PCDHGA9: variants seen among roughly 807,000 people sequenced by gnomAD.
The protein encoded by PCDHGA9 is protocadherin gamma subfamily A, 9.
In PCDHGA9, 37 loss-of-function variants were observed where a neutral mutation model predicts 62.5. That is an observed-to-expected ratio of 0.59 (90% confidence interval 0.46 to 0.78). PCDHGA9 has a LOEUF of 0.78. Among genes scored for constraint, PCDHGA9 ranks in the 30% least tolerant of loss-of-function variants. The pLI is 0.00. For missense variants in PCDHGA9, 1,138 were observed against 1,166.2 expected (o/e 0.98, Z 0.35); for synonymous variants, 459 against 484.6 (o/e 0.95, Z 0.69).
intron 1 of PCDHGA9, among the ~76,000 whole-genome samples, chr5:141,492,762 T>C (rs917580804): frequency 2.6e-5 from 4 of 152,206 alleles, no homozygotes; most frequent in African/African-American, 9.6e-5. Flanking sequence ...GGGCTCCGCG[T>C]TGGGCGAGTG....
intron 1 of PCDHGA9, chr5:141,478,227 G>A: frequency 6.2e-7 from 1 of 1,614,104 alleles, no homozygotes; most frequent in Non-Finnish European, 8.5e-7. Context: ...GTTTCTGTGG[G>A]GTTTGTGGTC....
intron 1 of PCDHGA9, chr5:141,409,280 T>C (rs1277414418): frequency 6.2e-7 from 1 of 1,613,904 alleles, no homozygotes; most frequent in Non-Finnish European, 8.5e-7. Context: ...TTTGGAGAAT[T>C]CACCTCCAGG....
chr5:141,485,431 C>G lies in PCDHGA9; in HGVS notation c.2425-9376C>G, dbSNP rs1594481071. ...ATTTGGACAGCGGAGCCCTGCTCAT[C>G]AAGAACCCAATCGACCGAGAGGCAC... On this transcript the variant is annotated intron_variant, in intron 1 of 3. Coordinates refer to ENST00000573521, the MANE Select transcript of PCDHGA9 (RefSeq NM_018921.3). The surrounding 1 kb of genome is among the most constrained non-coding windows in gnomAD (Gnocchi z 5.7). 8.7e-6 allele frequency: 14 copies of G among 1,614,198 alleles called. No homozygotes were observed. Among genetic ancestry groups the G allele is most frequent in the Non-Finnish European group, 1.1e-5 (13 of 1,180,038 alleles).
intron 1 of PCDHGA9, among the ~76,000 whole-genome samples, chr5:141,429,503 C>T (rs890656634): frequency 1.3e-5 from 2 of 151,922 alleles, no homozygotes; most frequent in Admixed American, 6.6e-5. Context: ...TTGCCTGAAA[C>T]TGTGCCTGGC....
chr5:141,431,442 TCC>T lies in PCDHGA9; in HGVS notation c.2424+26067_2424+26068del. ...CCGGTGCGCACAGGCACCGCGCGCATCCGCGTGATGGTTCTGGATGCGAACGA... is the reference window on the plus strand; with the variant it reads ...CCGGTGCGCACAGGCACCGCGCGCATGCGTGATGGTTCTGGATGCGAACGA... On this transcript the variant is annotated intron_variant, in intron 1 of 3. Transcript: ENST00000573521. This position sits in a 1 kb window ranked among gnomAD's most constrained non-coding sequence, Gnocchi z 4.8. 1 of 1,613,746 alleles carries T rather than the reference TCC, an allele frequency of 6.2e-7. No homozygotes were observed. The highest frequency in any genetic ancestry group is 1.3e-5 in the African/African-American group (1 of 75,074).
rs947158745 is a variant in PCDHGA9 at position 141,402,792 on chromosome 5, A to G, written c.-161A>G. ...TCCGGATTTCCAGTTCTGCGGCTAC[A>G]CAAAACCCGGCAGATACCACAAACC... On this transcript the variant is annotated 5_prime_UTR_variant, in exon 1 of 4. Transcript: ENST00000573521. 14 of 1,008,956 alleles carry G rather than the reference A, an allele frequency of 1.4e-5. No homozygotes were observed. The highest frequency in any genetic ancestry group is 3.1e-5 in the Admixed American group (1 of 31,790). 62.5% of individuals were successfully genotyped at this position (1,008,956 alleles called of 1,614,324 possible).
rs1363449 is a variant in PCDHGA9, at chr5:141,413,826, C to T, written c.2424+8450C>T. On this transcript the variant is annotated intron_variant, in intron 1 of 3. Coordinates refer to ENST00000573521, the MANE Select transcript of PCDHGA9 (RefSeq NM_018921.3). ...AGGCCATTCACCACCTGGTCCTCAC[C>T]GCCTCCGACGGGGGTGACCCTCTCC... 4,050 of 1,613,180 alleles carry T rather than the reference C, an allele frequency of 2.5e-3. 115 individuals are homozygous for T. In the African/African-American group the frequency reaches 0.047, roughly 19 times the overall value.
At chr5:141,437,040 C>G (rs188070264) in intron 1 of PCDHGA9, among the ~76,000 whole-genome samples, 1 of 152,266 alleles carries the variant, frequency 6.6e-6, no homozygotes, top group African/African-American at 2.4e-5. Flanking sequence ...ATCACCGAAA[C>G]CAGAAGGCTG....
intron 1 of PCDHGA9, among the ~76,000 whole-genome samples, chr5:141,483,767 T>C (rs2099586826): frequency 6.6e-6 from 1 of 151,840 alleles, no homozygotes; most frequent in Non-Finnish European, 1.5e-5. Flanking sequence ...CTTGGAAAAA[T>C]ATTGGGGAAG....
intron 1 of PCDHGA9, chr5:141,412,735 T>A (rs2095573578): frequency 6.5e-6 from 1 of 153,492 alleles, no homozygotes; most frequent in African/African-American, 2.4e-5. Context: ...GTGTTGCAAA[T>A]ATATATTTAA....
At chr5:141,492,587 C>G (rs2154587748) in intron 1 of PCDHGA9, among the ~76,000 whole-genome samples, 1 of 152,314 alleles carries the variant, frequency 6.6e-6, no homozygotes, top group African/African-American at 2.4e-5. Flanking sequence ...GGGCCAGGAG[C>G]GCTGGAGCGA....
chr5:141,408,290 A>T (rs767669019), intron 1 of PCDHGA9: 80 of 1,613,008 alleles, frequency 5.0e-5, no homozygotes, highest in Non-Finnish European at 6.1e-5. Context: ...CCCCACCCTG[A>T]GTGAGCCGAT....
rs766845913 is a variant in PCDHGA9 at position 141,404,929 on chromosome 5, G to A, written c.1977G>A (p.Thr659=). Residue 659 remains threonine (T), a synonymous_variant, in exon 1 of 4, where the codon ACG becomes ACA. Coordinates refer to ENST00000573521, the MANE Select transcript of PCDHGA9 (RefSeq NM_018921.3). ...HGQPPLSATV[T]LTVAIADSIP... ...AGCCCCCTCTCTCGGCCACTGTCAC[G>A]CTCACAGTAGCCATAGCTGACAGCA... The A allele has an allele frequency of 2.9e-5, 46 of 1,613,744 alleles. No homozygotes were observed. Among genetic ancestry groups the A allele is most frequent in the Admixed American group, 2.3e-4 (14 of 60,006 alleles).
rs373867677 is a variant in PCDHGA9 at position 141,432,049 on chromosome 5, G to A, written c.2424+26673G>A. The A allele has an allele frequency of 2.0e-5, 32 of 1,614,150 alleles. No individual in the cohort carries two copies. In the African/African-American group the frequency reaches 4.1e-4, roughly 21 times the overall value. ...TGACCGCCACTGACCGGGGAACCCC[G>A]CCCCTATCCACGGAAACTCATATCT... On this transcript the variant is annotated intron_variant, in intron 1 of 3. Coordinates refer to ENST00000573521, the MANE Select transcript of PCDHGA9 (RefSeq NM_018921.3). The surrounding 1 kb of genome is among the most constrained non-coding windows in gnomAD (Gnocchi z 6.0).
intron 2 of PCDHGA9, among the ~76,000 whole-genome samples, chr5:141,500,333 A>G (rs1237684682): frequency 6.6e-6 from 1 of 151,336 alleles, no homozygotes; most frequent in Non-Finnish European, 1.5e-5. Context: ...CTCAGCCTCC[A>G]GAATAGCTGG....
chr5:141,461,347 G>C (rs2154567331), intron 1 of PCDHGA9, among the ~76,000 whole-genome samples: 1 of 152,242 alleles, frequency 6.6e-6, no homozygotes, highest in Admixed American at 6.5e-5. Flanking sequence ...GGACCAAGGT[G>C]GTAGCTCGTT....
At chr5:141,427,960 G>C (rs759698390) in intron 1 of PCDHGA9, 7 of 1,589,168 alleles carry the variant, frequency 4.4e-6, no homozygotes, top group South Asian at 1.1e-5. Flanking sequence ...AATGTGCCGC[G>C]GGTGCTGTAC....
intron 1 of PCDHGA9, chr5:141,428,158 G>A: frequency 6.3e-7 from 1 of 1,577,728 alleles, no homozygotes; most frequent in Non-Finnish European, 8.7e-7. Context: ...GGAACCTGCT[G>A]GTTGCTGTGC....
intron 1 of PCDHGA9, among the ~76,000 whole-genome samples, chr5:141,484,179 A>G (rs2099592960): frequency 6.6e-6 from 1 of 152,222 alleles, no homozygotes; most frequent in South Asian, 2.1e-4. Context: ...GATCTCAATC[A>G]TTCAAGGAAG....
Sources: allele counts gnomAD v4.1 joint callset (sites outside exome capture counted in the v4.1 genomes callset), GRCh38; gene constraint gnomAD v4.1.1; non-coding constraint Gnocchi (gnomAD v3.1); transcripts MANE v1.5; gene names NCBI Gene and HGNC (gene_info 2026-07-23, HGNC 2026-07-21).